The following TBCD variants were observed in gnomAD, a reference collection of about 807,000 sequenced individuals.
The protein encoded by TBCD is tubulin-specific chaperone D.
Under a neutral mutation model 169.3 loss-of-function variants are expected in TBCD, and 105 were observed. The ratio of observed to expected loss-of-function variants is 0.62; its 90% CI spans 0.53 to 0.73. TBCD has a LOEUF of 0.73. Among genes scored for constraint, TBCD ranks in the 30% least tolerant of loss-of-function variants. The probability of loss-of-function intolerance (pLI) is 0.00; values close to 1 mark genes in which losing one functional copy is unlikely to be tolerated. For synonymous variants in TBCD, 700 were observed against 643.9 expected, an observed-to-expected ratio of 1.09 and a Z score of -1.32; for missense variants, 1,444 against 1,600.1, an observed-to-expected ratio of 0.90 and a Z score of 1.66.
At chr17:82,794,678 T>A (rs665574) in intron 7 of TBCD, among the ~76,000 whole-genome samples, 78,002 of 152,122 alleles carry the variant, frequency 0.51, 21,634 homozygotes, top group African/African-American at 0.74. Context: ...ACACTTTCTC[T>A]GGTGAAGATG....
chr17:82,840,762 C>G (rs1022007730), intron 13 of TBCD, among the ~76,000 whole-genome samples: 1 of 152,138 alleles, frequency 6.6e-6, no homozygotes, highest in Non-Finnish European at 1.5e-5. Context: ...CACACCCCCC[C>G]ACCAAAACTG....
chr17:82,849,215 C>T (rs1343803336), intron 13 of TBCD, among the ~76,000 whole-genome samples: 4 of 138,880 alleles, frequency 2.9e-5, no homozygotes, highest in Admixed American at 2.9e-4. Flanking sequence ...CCTCTGCCTG[C>T]TGCGTCTTCT....
chr17:82,753,935 T>C (rs930352321), intron 1 of TBCD, among the ~76,000 whole-genome samples: 1 of 146,286 alleles, frequency 6.8e-6, no homozygotes, highest in Non-Finnish European at 1.5e-5. Context: ...TGATGAGATC[T>C]CAGCTCACTG....
intron 13 of TBCD, among the ~76,000 whole-genome samples, chr17:82,837,816 C>T (rs1222044253): frequency 1.3e-5 from 2 of 152,206 alleles, no homozygotes; most frequent in African/African-American, 2.4e-5. Context: ...CTCCAACACA[C>T]CTCCTCCGAG....
Position 82,887,131 on chromosome 17 carries a change from CTGTGTGTGTG to C in TBCD, c.1534-2508_1534-2499del, listed in dbSNP as rs771003321. ...CTTCTTCCTTGGTTTTACCTGTACT[CTGTGTGTGTG>C]TGTGTGTGTGTGTGTGTGTGTGTGT... On this transcript the variant is annotated intron_variant, in intron 15 of 38. Transcript: ENST00000355528. Among the ~76,000 whole-genome samples, 85 of 123,444 alleles carry C rather than the reference CTGTGTGTGTG, an allele frequency of 6.9e-4. 2 individuals carry two copies. The East Asian group carries it at 7.5e-3, about 11-fold the overall frequency. The allele number at this position is 123,444 out of a possible 152,430, so 81.0% of individuals were successfully genotyped here. A position where few individuals can be genotyped will look rare whatever the true frequency, so the allele number is the denominator to read the frequency against.
intron 7 of TBCD, among the ~76,000 whole-genome samples, chr17:82,794,837 G>A (rs572595297): frequency 7.9e-5 from 12 of 152,232 alleles, no homozygotes; most frequent in Non-Finnish European, 1.5e-4. Context: ...ATGCCCAGGA[G>A]GCTGCCTGTG....
intron 38 of TBCD, 102 bp from the exon 39 acceptor site, chr17:82,942,347 C>A (rs571379247): frequency 6.5e-7 from 1 of 1,535,966 alleles, no homozygotes; most frequent in Non-Finnish European, 8.9e-7. Context: ...CTGCAGGAAC[C>A]GTGTCAGTCC....
chr17:82,883,278 A>C (rs1317580527), intron 14 of TBCD, among the ~76,000 whole-genome samples: 1 of 152,254 alleles, frequency 6.6e-6, no homozygotes, highest in East Asian at 1.9e-4. Flanking sequence ...CGCGTGTCTG[A>C]AATTCTGTTT....
intron 9 of TBCD, among the ~76,000 whole-genome samples, chr17:82,802,213 A>G (rs532188994): frequency 6.6e-5 from 10 of 151,176 alleles, no homozygotes; most frequent in African/African-American, 2.2e-4. Context: ...GTTCTCAAGG[A>G]GACAGACTTT....
Position 82,782,420 on chromosome 17 carries a change from C to T in TBCD, c.771+699C>T, listed in dbSNP as rs139698493. Reference sequence around the variant, plus strand: ...CGCCTTCTTCTCTCTTTAATTACAGCGGGTGAGGCTTTGAGAGCACTTCTC... The same window carrying T: ...CGCCTTCTTCTCTCTTTAATTACAGTGGGTGAGGCTTTGAGAGCACTTCTC... On this transcript the variant is annotated intron_variant, in intron 7 of 38. Coordinates refer to ENST00000355528, the MANE Select transcript of TBCD (RefSeq NM_005993.5). The surrounding 1 kb of genome is among the most constrained non-coding windows in gnomAD (Gnocchi z 5.1). Among the ~76,000 whole-genome samples, 421 of 152,274 alleles carry T rather than the reference C, an allele frequency of 2.8e-3. No homozygotes were observed. The highest frequency in any genetic ancestry group is 8.5e-3 in the African/African-American group (355 of 41,560).
In TBCD at chr17:82,831,648, G is replaced by A. The variant is rs570304182; in HGVS notation, c.1318+16714G>A. ...TTCCGTAGACTGACAGCAGGGGTGC[G>A]TCACACTCAGGCGAGCTCCCAGCCA... is the stretch of plus-strand genomic sequence containing the variant. On this transcript the variant is annotated intron_variant, in intron 13 of 38. Transcript: ENST00000355528. This position sits in a 1 kb window ranked among gnomAD's most constrained non-coding sequence, Gnocchi z 4.6. 6.8e-6 allele frequency: 11 copies of A among 1,614,170 alleles called. No homozygotes were observed. Among genetic ancestry groups the A allele is most frequent in the East Asian group, 6.7e-5 (3 of 44,884 alleles).
At chr17:82,815,292 C>A (rs538103245) in intron 13 of TBCD, among the ~76,000 whole-genome samples, 1 of 152,344 alleles carries the variant, frequency 6.6e-6, no homozygotes, top group Admixed American at 6.5e-5. Flanking sequence ...TTTTCTTACT[C>A]CCCAAAACCG....
chr17:82,903,300 C>T lies in TBCD; in HGVS notation c.1731-105C>T. On this transcript the variant is annotated intron_variant, in intron 18 of 38. Transcript: ENST00000355528. This position sits in a 1 kb window ranked among gnomAD's most constrained non-coding sequence, Gnocchi z 4.8. ...GAGTGAGTGAGCCTCTGCTAAGTGG[C>T]CGGTTGAGGACTCGTGTGTTGTCTC... 3.8e-6 allele frequency: 4 copies of T among 1,056,014 alleles called. No individual in the cohort carries two copies. In the South Asian group the frequency reaches 4.4e-5, roughly 12 times the overall value. 65.4% of individuals were successfully genotyped at this position (1,056,014 alleles called of 1,614,324 possible).
intron 12 of TBCD, 59 bp downstream of exon 12, chr17:82,809,841 T>G (rs1353739877): frequency 3.3e-6 from 5 of 1,506,274 alleles, no homozygotes; most frequent in Non-Finnish European, 4.6e-6. Flanking sequence ...AAGCCCTGGC[T>G]TTCCTTATAT....
intron 20 of TBCD, 23 bp from the exon 21 acceptor site, chr17:82,907,738 G>C (rs747236189): frequency 6.2e-7 from 1 of 1,613,278 alleles, no homozygotes; most frequent in African/African-American, 1.3e-5. Context: ...TGTGACTTCA[G>C]CTCTGTGTTT....
intron 13 of TBCD, among the ~76,000 whole-genome samples, chr17:82,839,553 A>T (rs1051684326): frequency 3.3e-5 from 5 of 152,242 alleles, no homozygotes; most frequent in African/African-American, 1.2e-4. Flanking sequence ...CCTAATGTAC[A>T]TACACCACAC....
chr17:82,871,283 C>T (rs749803197), intron 14 of TBCD, among the ~76,000 whole-genome samples: 1 of 152,236 alleles, frequency 6.6e-6, no homozygotes, highest in Non-Finnish European at 1.5e-5. Context: ...ACCGTGTGCG[C>T]TGGTTTTGTA....
At chr17:82,911,920 G>C in intron 23 of TBCD, 131 bp downstream of exon 23, 2 of 876,650 alleles carry the variant, frequency 2.3e-6, no homozygotes, top group South Asian at 2.9e-5. Flanking sequence ...CTTCTGTGGA[G>C]GCGGCATCTG....
At chr17:82,872,527 G>A (rs1017167935) in intron 14 of TBCD, among the ~76,000 whole-genome samples, 1 of 152,254 alleles carries the variant, frequency 6.6e-6, no homozygotes, top group East Asian at 1.9e-4. Flanking sequence ...CAGCGCTGCT[G>A]TCTGTGTGCG....
Sources: allele counts gnomAD v4.1 joint callset (sites outside exome capture counted in the v4.1 genomes callset), GRCh38; gene constraint gnomAD v4.1.1; non-coding constraint Gnocchi (gnomAD v3.1); transcripts MANE v1.5; gene names NCBI Gene and HGNC (gene_info 2026-07-23, HGNC 2026-07-21).